SNAPC4: variants seen among roughly 807,000 people sequenced by gnomAD.
SNAPC4 encodes the protein small nuclear RNA activating complex polypeptide 4.
In SNAPC4, 127 loss-of-function variants were observed where a neutral mutation model predicts 151.3. The ratio of observed to expected loss-of-function variants is 0.84; its 90% CI spans 0.73 to 0.97. SNAPC4 has a LOEUF of 0.97. SNAPC4 is among the 50% of genes least tolerant of loss of function. The probability of loss-of-function intolerance (pLI) is 0.00; values close to 1 mark genes in which losing one functional copy is unlikely to be tolerated. For synonymous variants in SNAPC4, 1,002 were observed against 824.4 expected (o/e 1.22, Z -3.69); for missense variants, 2,186 against 1,935.0 (o/e 1.13, Z -2.43).
chr9:136,392,770 A>G lies in SNAPC4; in HGVS notation c.640T>C (p.Tyr214His). The G allele has an allele frequency of 6.2e-7, 1 of 1,613,080 alleles. No individual in the cohort carries two copies. Among genetic ancestry groups the G allele is most frequent in the Non-Finnish European group, 8.5e-7 (1 of 1,179,918 alleles). The change falls in exon 8 of 24, where the codon TAC (tyrosine) becomes CAC (histidine). Residue 214 changes from tyrosine (Y) to histidine (H), a missense_variant. By Grantham distance (83) the Tyr-to-His change is moderately conservative (BLOSUM62 2). Transcript: ENST00000684778. ...LLQPKLLKLE[Y>H]LHQKQSKVSS... The stretch of plus-strand genomic sequence containing the variant: ...ACTTTGCTCTGCTTCTGGTGCAAGT[A>G]CTCGAGCCTGCAAAGCAGAGCAGAG...
In SNAPC4 at chr9:136,381,759, C is replaced by A. The variant is rs557744376; in HGVS notation, c.2317+65G>T. ...CCCCAAGTAGCCACCGTCTGCTAGG[C>A]TGGATGTACTCTTCATCCTCACCCC... On this transcript the variant is annotated intron_variant, in intron 18 of 23. Transcript: ENST00000684778. The A allele has an allele frequency of 1.2e-4, 190 of 1,543,800 alleles. No individual in the cohort carries two copies. The South Asian group carries it at 2.2e-3, about 18-fold the overall frequency.
Position 136,377,664 on chromosome 9 carries a change from G to A in SNAPC4, c.4163C>T (p.Thr1388Ile). Residue 1388 changes from threonine (T) to isoleucine (I), a missense_variant, in exon 22 of 24, where the codon ACC becomes ATC. Coordinates refer to ENST00000684778, the MANE Select transcript of SNAPC4 (RefSeq NM_003086.4). ...LATLAPQGVR[T>I]TLSVPSRVGS... is the part of the protein sequence containing the mutation. ...CACCCTCGAAGGTACTGAGAGGGTG[G>A]TGCGGACGCCTTGGGGGGCCAGGGT... is the stretch of plus-strand genomic sequence containing the variant. The A allele has an allele frequency of 1.2e-6, 2 of 1,606,232 alleles. No individual in the cohort carries two copies. Among genetic ancestry groups the A allele is most frequent in the Admixed American group, 1.7e-5 (1 of 59,560 alleles).
chr9:136,380,700 G>C, intron 20 of SNAPC4, 40 bp downstream of exon 20: 1 of 1,154,414 alleles, frequency 8.7e-7, no homozygotes, highest in Non-Finnish European at 1.3e-6. Flanking sequence ...GCCGGGGCGG[G>C]CAGTGGCCAT....
chr9:136,382,398 C>A, intron 16 of SNAPC4, 62 bp from the exon 17 acceptor site: 1 of 1,379,270 alleles, frequency 7.3e-7, no homozygotes, highest in Admixed American at 1.7e-5. Context: ...GGGGCCCTCC[C>A]CTCGCTGCCC....
chr9:136,384,183 C>T (rs1249082080), intron 14 of SNAPC4, 151 bp from the exon 15 acceptor site: 3 of 631,752 alleles, frequency 4.7e-6, no homozygotes, highest in Middle Eastern at 3.9e-4. Flanking sequence ...TGGGTGCCTA[C>T]AATTTGGCAG....
chr9:136,376,233 C>G, intron 23 of SNAPC4, 116 bp downstream of exon 23: 1 of 1,290,146 alleles, frequency 7.8e-7, no homozygotes, highest in Non-Finnish European at 1.1e-6. Context: ...GCCCACCTAA[C>G]CCAGCACACC....
In SNAPC4 at chr9:136,394,304, G is replaced by C; in HGVS notation, c.577C>G (p.Arg193Gly). Residue 193 changes from arginine (R) to glycine (G), a missense_variant, in exon 7 of 24, where the codon CGA becomes GGA. Coordinates refer to ENST00000684778, the MANE Select transcript of SNAPC4 (RefSeq NM_003086.4). ...KWKNWEKALL[R>G]KSVVSDRLQR... ...AGGCGGTCACTCACCACTGACTTTC[G>C]GAGCAAGGCCTTTTCCCAGTTTTTC... 6.2e-7 allele frequency: 1 copy of C among 1,613,888 alleles called. No homozygotes were observed. Among genetic ancestry groups the C allele is most frequent in the Non-Finnish European group, 8.5e-7 (1 of 1,179,942 alleles).
In SNAPC4 at chr9:136,383,032, C is replaced by G. The variant is rs1833754786; in HGVS notation, c.1983+154G>C. 6.6e-6 allele frequency among the ~76,000 whole-genome samples: 1 copy of G among 152,244 alleles called. No homozygotes were observed. The highest frequency in any genetic ancestry group is 2.4e-5 in the African/African-American group (1 of 41,452). Reference sequence around the variant, plus strand: ...AATGGAGGCTTCCCCAACAGTCCCCCCGACGCACAGCTGTCCAGAGCTCAG... The same window carrying G: ...AATGGAGGCTTCCCCAACAGTCCCCGCGACGCACAGCTGTCCAGAGCTCAG... On this transcript the variant is annotated intron_variant, in intron 16 of 23. Transcript: ENST00000684778. This position sits in a 1 kb window ranked among gnomAD's most constrained non-coding sequence, Gnocchi z 4.2.
At chr9:136,388,685 A>G in intron 10 of SNAPC4, 94 bp from the exon 11 acceptor site, 1 of 1,496,650 alleles carries the variant, frequency 6.7e-7, no homozygotes, top group Non-Finnish European at 9.2e-7. Context: ...TGGGCCCATG[A>G]GCCACTGGGG....
intron 18 of SNAPC4, 151 bp downstream of exon 18, chr9:136,381,673 G>T: frequency 1.1e-6 from 1 of 950,532 alleles, no homozygotes. Flanking sequence ...AAACCTTCAG[G>T]GACGGGAAGC....
intron 14 of SNAPC4, 77 bp from the exon 15 acceptor site, chr9:136,384,109 A>G: frequency 1.6e-6 from 2 of 1,266,028 alleles, no homozygotes; most frequent in Non-Finnish European, 2.2e-6. Context: ...TCCCCAGGAG[A>G]CTCGCCGTGG....
intron 10 of SNAPC4, among the ~76,000 whole-genome samples, chr9:136,390,789 T>C (rs1453799077): frequency 6.6e-6 from 1 of 151,418 alleles, no homozygotes; most frequent in African/African-American, 2.4e-5. Flanking sequence ...TACCAAACTA[T>C]GTAGCAGTAA....
chr9:136,380,705 G>A (rs781178205), intron 20 of SNAPC4, 35 bp downstream of exon 20: 1 of 1,218,144 alleles, frequency 8.2e-7, no homozygotes, highest in Non-Finnish European at 1.2e-6. Flanking sequence ...GGCGGGCAGT[G>A]GCCATCCTCA....
At position 136,395,354 on chromosome 9, in the gene SNAPC4, T is replaced by C. The variant is rs747654585; in HGVS notation, c.415A>G (p.Ser139Gly). Reference sequence around the variant, plus strand: ...TTCATGAAGTGCCCCATGTATGTGCTTGGGGGCAGGCTTTTGCCATCTTTC... The same window carrying C: ...TTCATGAAGTGCCCCATGTATGTGCCTGGGGGCAGGCTTTTGCCATCTTTC... ...KVKDGKSLPP[S>G]TYMGHFMKPY... Residue 139 changes from serine (S) to glycine (G), a missense_variant, in exon 5 of 24, where the codon AGC becomes GGC. Physicochemically the swap from Ser to Gly is moderately conservative, Grantham distance 56 (BLOSUM62 0). Transcript: ENST00000684778. 2 of 1,613,582 alleles carry C rather than the reference T, an allele frequency of 1.2e-6. No individual in the cohort carries two copies. The highest frequency in any genetic ancestry group is 1.1e-5 in the South Asian group (1 of 91,084).
intron 1 of SNAPC4, among the ~76,000 whole-genome samples, chr9:136,399,109 TAG>T (rs954822995): frequency 3.3e-5 from 5 of 152,124 alleles, no homozygotes; most frequent in South Asian, 2.1e-4. Flanking sequence ...AGAAGGACGC[TAG>T]AGAGAGAGTG....
chr9:136,379,997 C>T, intron 20 of SNAPC4, 133 bp from the exon 21 acceptor site: 2 of 1,402,936 alleles, frequency 1.4e-6, no homozygotes, highest in African/African-American at 1.4e-5. Context: ...GCTGGCCTCC[C>T]ACACGCCTCT....
chr9:136,390,901 G>A (rs1050926792), intron 10 of SNAPC4, among the ~76,000 whole-genome samples: 4 of 150,646 alleles, frequency 2.7e-5, no homozygotes, highest in South Asian at 2.1e-4. Flanking sequence ...GTGGCGCGAC[G>A]TCCGCTCACC....
chr9:136,395,197 A>G, intron 5 of SNAPC4, 101 bp downstream of exon 5: 3 of 1,441,572 alleles, frequency 2.1e-6, no homozygotes, highest in Non-Finnish European at 2.8e-6. Context: ...TGTTATCTTG[A>G]ACTCACAGGA....
Position 136,384,945 on chromosome 9 carries a change from G to A in SNAPC4, c.1326-131C>T, listed in dbSNP as rs73670244. The A allele has an allele frequency of 3.8e-3, 2,012 of 533,902 alleles. 25 individuals are homozygous for A. Among genetic ancestry groups the A allele is most frequent in the African/African-American group, 0.035 (1,787 of 50,820 alleles). The allele number at this position is 533,902 out of a possible 1,614,324, so 33.1% of individuals were successfully genotyped here. A position where few individuals can be genotyped will look rare whatever the true frequency, so the allele number is the denominator to read the frequency against. ...GCAACAAAAGAAAACTACAGATAAA[G>A]TAGACTTCATCAAAAGCTAAAGCTT... On this transcript the variant is annotated intron_variant, in intron 13 of 23. Coordinates refer to ENST00000684778, the MANE Select transcript of SNAPC4 (RefSeq NM_003086.4).
Sources: gnomAD v4.1 joint callset for allele counts (sites outside exome capture counted in the v4.1 genomes callset) on GRCh38, gnomAD v4.1.1 for gene constraint, Gnocchi (gnomAD v3.1) non-coding constraint, MANE v1.5 for transcripts, NCBI Gene and HGNC (gene_info 2026-07-23, HGNC 2026-07-21) for gene names.